The following TAFA4 variants were observed in gnomAD, a reference collection of about 807,000 sequenced individuals.
The protein encoded by TAFA4 is TAFA chemokine like family member 4.
Under a neutral mutation model 21.1 loss-of-function variants are expected in TAFA4, and 20 were observed. The ratio of observed to expected loss-of-function variants is 0.95; its 90% CI spans 0.67 to 1.38. The LOEUF is 1.38. Ranked by LOEUF, TAFA4 falls within the 40% of genes most tolerant of loss-of-function variation. The probability of loss-of-function intolerance (pLI) is 0.00; values close to 1 mark genes in which losing one functional copy is unlikely to be tolerated. For missense variants in TAFA4, 211 were observed against 180.9 expected, an observed-to-expected ratio of 1.17 and a Z score of -0.95; for synonymous variants, 71 against 67.4, an observed-to-expected ratio of 1.05 and a Z score of -0.26.
At chr3:68,766,361 T>C (rs1484787210) in intron 3 of TAFA4, among the ~76,000 whole-genome samples, 3 of 151,954 alleles carry the variant, frequency 2.0e-5, no homozygotes, top group African/African-American at 7.3e-5. Context: ...CGTCAAATAC[T>C]CTTAAAAAAA....
intron 3 of TAFA4, among the ~76,000 whole-genome samples, chr3:68,874,954 A>C (rs2089529343): frequency 6.6e-6 from 1 of 152,210 alleles, no homozygotes; most frequent in African/African-American, 2.4e-5. Flanking sequence ...TCTTATTAAA[A>C]GCTGAGCCCA....
intron 3 of TAFA4, among the ~76,000 whole-genome samples, chr3:68,846,159 C>T (rs1268215224): frequency 2.0e-5 from 3 of 152,066 alleles, no homozygotes; most frequent in South Asian, 2.1e-4. Context: ...ACCAATCAAA[C>T]GTAGATTTGT....
intron 1 of TAFA4, among the ~76,000 whole-genome samples, chr3:68,902,359 T>C (rs2089853023): frequency 6.6e-6 from 1 of 152,118 alleles, no homozygotes; most frequent in Non-Finnish European, 1.5e-5. Context: ...TTTCAGATAA[T>C]ACCTATATCA....
At chr3:68,861,552 T>C (rs1056795275) in intron 3 of TAFA4, among the ~76,000 whole-genome samples, 1 of 151,836 alleles carries the variant, frequency 6.6e-6, no homozygotes, top group African/African-American at 2.4e-5. Flanking sequence ...AATATTATAA[T>C]AAAGACCACA....
At chr3:68,919,408 G>A (rs1033276361) in intron 1 of TAFA4, among the ~76,000 whole-genome samples, 13 of 152,182 alleles carry the variant, frequency 8.5e-5, no homozygotes, top group South Asian at 6.2e-4. Flanking sequence ...TCGAGCCCCT[G>A]ATCGAACAAA....
chr3:68,801,048 C>T (rs577580257), intron 3 of TAFA4, among the ~76,000 whole-genome samples: 6 of 152,140 alleles, frequency 3.9e-5, no homozygotes, highest in Non-Finnish European at 8.8e-5. Flanking sequence ...TGAAAAAGCC[C>T]ATCATTAACT....
rs529515876 is a variant in TAFA4, at chr3:68,889,398, G to C, written c.-122-4088C>G. 1.9e-4 allele frequency among the ~76,000 whole-genome samples: 29 copies of C among 152,160 alleles called. 1 individual carries two copies. The East Asian group carries it at 5.6e-3, about 29-fold the overall frequency. ...ACAAGAAAGAATTCTACCTACACTT[G>C]ATTTCTTATCAAGGAAAATAGAGAG... On this transcript the variant is annotated intron_variant, in intron 1 of 5. Coordinates refer to ENST00000295569, the MANE Select transcript of TAFA4 (RefSeq NM_182522.5).
At chr3:68,931,861 G>A (rs1370386104) in intron 1 of TAFA4, among the ~76,000 whole-genome samples, 1 of 152,154 alleles carries the variant, frequency 6.6e-6, no homozygotes, top group Non-Finnish European at 1.5e-5. Context: ...CGCTAAGGTC[G>A]ACTTGTCCAG....
At chr3:68,892,735 T>G (rs1173828877) in intron 1 of TAFA4, among the ~76,000 whole-genome samples, 1 of 152,218 alleles carries the variant, frequency 6.6e-6, no homozygotes, top group Non-Finnish European at 1.5e-5. Flanking sequence ...TTCATTTAAG[T>G]GCACTGATAA....
rs2090034221 is a variant in TAFA4, at chr3:68,919,219, G to T, written c.-123+13021C>A. On this transcript the variant is annotated intron_variant, in intron 1 of 5. Transcript: ENST00000295569. Reference sequence around the variant, plus strand: ...TAAGGTTAATGGCTGTATTTACATAGCCATCAATTCACTTTACAAAGAACT... The same window carrying T: ...TAAGGTTAATGGCTGTATTTACATATCCATCAATTCACTTTACAAAGAACT... 2.6e-5 allele frequency among the ~76,000 whole-genome samples: 4 copies of T among 152,308 alleles called. No individual in the cohort carries two copies. The South Asian group carries it at 8.3e-4, about 32-fold the overall frequency.
intron 3 of TAFA4, among the ~76,000 whole-genome samples, chr3:68,807,342 C>T (rs1418391475): frequency 2.0e-5 from 3 of 152,178 alleles, no homozygotes; most frequent in Non-Finnish European, 4.4e-5. Context: ...GACAGTGAGG[C>T]CTTGTTAAGG....
chr3:68,819,302 A>G (rs1158873652), intron 3 of TAFA4, among the ~76,000 whole-genome samples: 2 of 146,906 alleles, frequency 1.4e-5, no homozygotes, highest in Admixed American at 6.8e-5. Context: ...AAAAAAAAGC[A>G]TCTGCAAAGC....
At chr3:68,797,928 A>G (rs941676178) in intron 3 of TAFA4, among the ~76,000 whole-genome samples, 2 of 152,232 alleles carry the variant, frequency 1.3e-5, no homozygotes, top group Non-Finnish European at 2.9e-5. Flanking sequence ...ACACTTAAAA[A>G]TTGGTAAAAT....
At chr3:68,754,077 A>G (rs1379012767) in intron 3 of TAFA4, among the ~76,000 whole-genome samples, 1 of 152,154 alleles carries the variant, frequency 6.6e-6, no homozygotes, top group Non-Finnish European at 1.5e-5. Context: ...TCACTCTCTC[A>G]TGTTTTTCTA....
At chr3:68,925,732 A>G (rs376852918) in intron 1 of TAFA4, among the ~76,000 whole-genome samples, 16 of 152,214 alleles carry the variant, frequency 1.1e-4, no homozygotes, top group East Asian at 9.6e-4. Context: ...AGCTCTCTTC[A>G]CTGATTTGTC....
chr3:68,808,195 CAG>C (rs1371545517), intron 3 of TAFA4, among the ~76,000 whole-genome samples: 4 of 152,074 alleles, frequency 2.6e-5, no homozygotes, highest in African/African-American at 7.2e-5. Flanking sequence ...CACAGGAAAG[CAG>C]AGTCTCACAA....
At chr3:68,866,514 T>C (rs1046050751) in intron 3 of TAFA4, among the ~76,000 whole-genome samples, 1 of 151,006 alleles carries the variant, frequency 6.6e-6, no homozygotes, top group Non-Finnish European at 1.5e-5. Context: ...TACAAAGCAA[T>C]AGACATATAT....
chr3:68,829,603 C>A (rs1034622003), intron 3 of TAFA4, among the ~76,000 whole-genome samples: 1 of 152,016 alleles, frequency 6.6e-6, no homozygotes, highest in Non-Finnish European at 1.5e-5. Context: ...TATTTTATGG[C>A]GGATTTTCGC....
intron 4 of TAFA4, among the ~76,000 whole-genome samples, chr3:68,751,745 T>C (rs1346500539): frequency 6.6e-6 from 1 of 152,206 alleles, no homozygotes; most frequent in East Asian, 1.9e-4. Context: ...TTCATACATT[T>C]CACTGCAGAT....
Sources: gnomAD v4.1 joint callset for allele counts (sites outside exome capture counted in the v4.1 genomes callset) on GRCh38, gnomAD v4.1.1 for gene constraint, MANE v1.5 for transcripts, NCBI Gene and HGNC (gene_info 2026-07-23, HGNC 2026-07-21) for gene names.